RBM17: variants seen among roughly 807,000 people sequenced by gnomAD.
RBM17 encodes the protein RNA binding motif protein 17, also known as splicing factor 45.
A neutral mutation model predicts 53.2 loss-of-function variants in RBM17; 7 were observed. The ratio of observed to expected loss-of-function variants is 0.13; its 90% confidence interval spans 0.07 to 0.25. The LOEUF (loss-of-function observed/expected upper bound fraction) is 0.25. RBM17 is among the 10% of genes least tolerant of loss of function. RBM17 has a pLI of 1.00. For missense variants in RBM17, 257 were observed against 496.7 expected (o/e 0.52, Z 4.59); for synonymous variants, 167 against 178.1 (o/e 0.94, Z 0.50).
rs966366579 is a variant in RBM17, at chr10:6,089,681, C to T, written c.-19+488C>T. 2 of 152,412 alleles carry T rather than the reference C, an allele frequency of 1.3e-5. No homozygotes were observed. The highest frequency in any genetic ancestry group is 2.9e-5 in the Non-Finnish European group (2 of 68,108). The allele number at this position is 152,412 out of a possible 1,614,324, so 9.4% of individuals were successfully genotyped here. A position where few individuals can be genotyped will look rare whatever the true frequency, so the allele number is the denominator to read the frequency against. On this transcript the variant is annotated intron_variant, in intron 1 of 11. Coordinates refer to ENST00000379888, the MANE Select transcript of RBM17 (RefSeq NM_032905.5). The surrounding 1 kb of genome is among the most constrained non-coding windows in gnomAD (Gnocchi z 5.6). Reference sequence around the variant, plus strand: ...GGCGTTTCTCAGACTCCGGAGCTGCCCGGGACAGGAATGCAGCCCTAACCC... The same window carrying T: ...GGCGTTTCTCAGACTCCGGAGCTGCTCGGGACAGGAATGCAGCCCTAACCC...
intron 1 of RBM17, 93 bp from the exon 2 acceptor site, chr10:6,096,955 C>A (rs1840586462): frequency 7.9e-7 from 1 of 1,273,310 alleles, no homozygotes; most frequent in Admixed American, 2.2e-5. Flanking sequence ...GGTCCTGGAC[C>A]TTTTACCTCT....
At chr10:6,113,871 T>C (rs1326716860) in intron 9 of RBM17, 178 bp from the exon 10 acceptor site, 1 of 596,664 alleles carries the variant, frequency 1.7e-6, no homozygotes, top group East Asian at 2.8e-5. Context: ...TTTACAGGCT[T>C]AATATATGTT....
intron 1 of RBM17, among the ~76,000 whole-genome samples, chr10:6,092,221 A>T (rs1840496348): frequency 6.6e-6 from 1 of 152,234 alleles, no homozygotes; most frequent in Non-Finnish European, 1.5e-5. Context: ...TACAAAGTAC[A>T]GCTTTTTGTT....
rs73605991 is a variant in RBM17 at position 6,102,927 on chromosome 10, G to T, written c.240+1540G>T. On this transcript the variant is annotated intron_variant, in intron 3 of 11. Coordinates refer to ENST00000379888, the MANE Select transcript of RBM17 (RefSeq NM_032905.5). Reference sequence around the variant, plus strand: ...CGATCCTTCCACCTCAGTCTACTGAGTAGTTAGGACCACAGGCATATGCCA... The same window carrying T: ...CGATCCTTCCACCTCAGTCTACTGATTAGTTAGGACCACAGGCATATGCCA... 5.3e-4 allele frequency among the ~76,000 whole-genome samples: 81 copies of T among 152,260 alleles called. 1 individual carries two copies. The highest frequency in any genetic ancestry group is 1.7e-3 in the African/African-American group (72 of 41,542).
intron 3 of RBM17, among the ~76,000 whole-genome samples, chr10:6,102,864 A>G (rs182193967): frequency 6.6e-6 from 1 of 152,238 alleles, no homozygotes; most frequent in Admixed American, 6.5e-5. Context: ...CAGTGGTGCA[A>G]TCTTGGCTCA....
At position 6,089,349 on chromosome 10, in the gene RBM17, C is replaced by A. The variant is rs76943221; in HGVS notation, c.-19+156C>A. ...AGCCGGAGCCTCCGAGGGTCTCAGT[C>A]CCCGCGGCGGGCGCTGGTCTCTCCA... On this transcript the variant is annotated intron_variant, in intron 1 of 11. Transcript: ENST00000379888. The surrounding 1 kb of genome is among the most constrained non-coding windows in gnomAD (Gnocchi z 5.6). 5,869 of 152,302 alleles carry A rather than the reference C, an allele frequency of 0.039. 207 individuals are homozygous for A. Among genetic ancestry groups the A allele is most frequent in the East Asian group, 0.17 (915 of 5,234 alleles). 9.4% of individuals were successfully genotyped at this position (152,302 alleles called of 1,614,324 possible). A position where few individuals can be genotyped will look rare whatever the true frequency, so the allele number is the denominator to read the frequency against.
chr10:6,116,817 AAAG>A lies in RBM17; in HGVS notation c.*1264_*1266del, dbSNP rs1430968124. On this transcript the variant is annotated 3_prime_UTR_variant, in exon 12 of 12. Coordinates refer to ENST00000379888, the MANE Select transcript of RBM17 (RefSeq NM_032905.5). ...CTCATGTTTTTATTTAACATAAATA[AAAG>A]AATAACATTTTATCTTTTGTGGTAT... 6.6e-6 allele frequency: 1 copy of A among 152,370 alleles called. No individual in the cohort carries two copies. The highest frequency in any genetic ancestry group is 1.5e-5 in the Non-Finnish European group (1 of 68,042). 9.4% of individuals were successfully genotyped at this position (152,370 alleles called of 1,614,324 possible). A position where few individuals can be genotyped will look rare whatever the true frequency, so the allele number is the denominator to read the frequency against.
At chr10:6,093,687 TATAAAG>T (rs1564564826) in intron 1 of RBM17, among the ~76,000 whole-genome samples, 2 of 152,156 alleles carry the variant, frequency 1.3e-5, no homozygotes, top group Non-Finnish European at 2.9e-5. Flanking sequence ...GTTCTCAAGT[TATAAAG>T]AGAAATGGGT....
chr10:6,100,614 A>G (rs1411227825), intron 2 of RBM17, among the ~76,000 whole-genome samples: 2 of 152,178 alleles, frequency 1.3e-5, no homozygotes, highest in Non-Finnish European at 2.9e-5. Flanking sequence ...GACTGTTCTT[A>G]ATCAAGACAC....
Position 6,112,487 on chromosome 10 carries a change from T to C in RBM17, c.856+126T>C. On this transcript the variant is annotated intron_variant, in intron 8 of 11. Transcript: ENST00000379888. This position sits in a 1 kb window ranked among gnomAD's most constrained non-coding sequence, Gnocchi z 4.4. ...AGGCGTGTGGCCAGAGGGAGAGGGC[T>C]GGCCCTGCCATCACTAGAACACAGG... 1 of 1,168,938 alleles carries C rather than the reference T, an allele frequency of 8.6e-7. No individual in the cohort carries two copies. Among genetic ancestry groups the C allele is most frequent in the Non-Finnish European group, 1.2e-6 (1 of 800,896 alleles). The allele number at this position is 1,168,938 out of a possible 1,614,324, so 72.4% of individuals were successfully genotyped here.
At chr10:6,100,572 AGAT>A (rs1433632217) in intron 2 of RBM17, among the ~76,000 whole-genome samples, 1 of 152,202 alleles carries the variant, frequency 6.6e-6, no homozygotes, top group Non-Finnish European at 1.5e-5. Flanking sequence ...GAGGAGATGA[AGAT>A]GATGGTGATG....
In RBM17 at chr10:6,112,404, C is replaced by T. The variant is rs1840853018; in HGVS notation, c.856+43C>T. ...CGTGTGACTAGAGGGAAAGGACTGGCCCCATCCATATCAGACATGGCCAGT... is the reference window on the plus strand; with the variant it reads ...CGTGTGACTAGAGGGAAAGGACTGGTCCCATCCATATCAGACATGGCCAGT... On this transcript the variant is annotated intron_variant, in intron 8 of 11. Coordinates refer to ENST00000379888, the MANE Select transcript of RBM17 (RefSeq NM_032905.5). This position sits in a 1 kb window ranked among gnomAD's most constrained non-coding sequence, Gnocchi z 4.4. 4.4e-6 allele frequency: 7 copies of T among 1,608,744 alleles called. 1 individual carries two copies. The South Asian group carries it at 7.7e-5, about 18-fold the overall frequency.
intron 9 of RBM17, 153 bp from the exon 10 acceptor site, chr10:6,113,896 A>C: frequency 1.6e-6 from 1 of 613,422 alleles, no homozygotes; most frequent in South Asian, 2.1e-5. Flanking sequence ...TGTTTTAAGA[A>C]ATACTAACTT....
chr10:6,098,769 C>G (rs894085037), intron 2 of RBM17, among the ~76,000 whole-genome samples: 1 of 151,840 alleles, frequency 6.6e-6, no homozygotes, highest in African/African-American at 2.4e-5. Flanking sequence ...AGGATGGTCT[C>G]GATTTCCTGA....
rs1190302968 is a variant in RBM17, at chr10:6,116,545, T to C, written c.*989T>C. 2 of 152,330 alleles carry C rather than the reference T, an allele frequency of 1.3e-5. No individual in the cohort carries two copies. Among genetic ancestry groups the C allele is most frequent in the African/African-American group, 4.8e-5 (2 of 41,460 alleles). 9.4% of individuals were successfully genotyped at this position (152,330 alleles called of 1,614,324 possible). On this transcript the variant is annotated 3_prime_UTR_variant, in exon 12 of 12. Coordinates refer to ENST00000379888, the MANE Select transcript of RBM17 (RefSeq NM_032905.5). ...GACCACAAAAAAGAAAACAAAAATATTTGGTACTGAGGTTCATTGCCAGGG... is the reference window on the plus strand; with the variant it reads ...GACCACAAAAAAGAAAACAAAAATACTTGGTACTGAGGTTCATTGCCAGGG...
At chr10:6,101,200 A>T in intron 2 of RBM17, 71 bp from the exon 3 acceptor site, 1 of 933,268 alleles carries the variant, frequency 1.1e-6, no homozygotes, top group Non-Finnish European at 1.6e-6. Flanking sequence ...CAGAAAGAAA[A>T]TCTTTGTTGC....
intron 8 of RBM17, chr10:6,113,067 A>G (rs1460503660): frequency 2.2e-5 from 4 of 177,806 alleles, no homozygotes; most frequent in African/African-American, 7.2e-5. Context: ...CGAGCCTGAC[A>G]GGTGAGTGCC....
chr10:6,111,433 A>G (rs1840836002), intron 7 of RBM17, among the ~76,000 whole-genome samples: 1 of 152,216 alleles, frequency 6.6e-6, no homozygotes, highest in African/African-American at 2.4e-5. Flanking sequence ...TCTGCCTCCC[A>G]GGTTCAAGCA....
At position 6,112,200 on chromosome 10, in the gene RBM17, C is replaced by T. The variant is rs1840849415; in HGVS notation, c.705-10C>T. On this transcript the variant is annotated splice_polypyrimidine_tract_variant and intron_variant, in intron 7 of 11. Transcript: ENST00000379888. This position sits in a 1 kb window ranked among gnomAD's most constrained non-coding sequence, Gnocchi z 4.4. ...AAGGCTAAGAGTCCTTTCCCTTCTT[C>T]TCCTGCCAGGGGCACGGTGGCGCAC... 6.2e-7 allele frequency: 1 copy of T among 1,609,806 alleles called. No homozygotes were observed. The highest frequency in any genetic ancestry group is 1.3e-5 in the African/African-American group (1 of 74,870).
Sources: allele counts gnomAD v4.1 joint callset (sites outside exome capture counted in the v4.1 genomes callset), GRCh38; gene constraint gnomAD v4.1.1; non-coding constraint Gnocchi (gnomAD v3.1); transcripts MANE v1.5; gene names NCBI Gene and HGNC (gene_info 2026-07-23, HGNC 2026-07-21).